Variants in CLUAP1 observed in about 807,000 individuals in gnomAD.
The protein encoded by CLUAP1 is intraflagellar transport 38.
In CLUAP1, 50 loss-of-function variants were observed where a neutral mutation model predicts 55.0. The ratio of observed to expected loss-of-function variants is 0.91; its 90% CI spans 0.72 to 1.15. The LOEUF (loss-of-function observed/expected upper bound fraction) is 1.15, where lower values mean the gene tolerates loss of function less well. Ranked by LOEUF, CLUAP1 falls within the 50% of genes most tolerant of loss-of-function variation. The pLI, the probability that CLUAP1 is intolerant of heterozygous loss-of-function variation, is 0.00. For synonymous variants in CLUAP1, 195 were observed against 175.4 expected (o/e 1.11, Z -0.88); for missense variants, 530 against 507.6 (o/e 1.04, Z -0.42).
At chr16:3,499,351 A>G (rs932722518), upstream of CLUAP1, among the ~76,000 whole-genome samples, 3 of 152,384 alleles carry the variant, frequency 2.0e-5, no homozygotes, top group Middle Eastern at 3.4e-3. Flanking sequence ...ATCTCAAAAA[A>G]AAAAGTTCAA....
At chr16:3,512,536 C>A in intron 5 of CLUAP1, 58 bp downstream of exon 5, 1 of 1,331,894 alleles carries the variant, frequency 7.5e-7, no homozygotes, top group South Asian at 1.2e-5. Flanking sequence ...TTTTCTTTTT[C>A]AATTCTGTTT....
chr16:3,514,876 A>G (rs1483511740), intron 5 of CLUAP1, among the ~76,000 whole-genome samples: 3 of 152,170 alleles, frequency 2.0e-5, no homozygotes, highest in African/African-American at 7.2e-5. Context: ...CCACATTACA[A>G]TCCCATGTCT....
chr16:3,536,439 A>T lies in CLUAP1; in HGVS notation c.*168A>T. 1.6e-6 allele frequency: 1 copy of T among 614,182 alleles called. No individual in the cohort carries two copies. The highest frequency in any genetic ancestry group is 2.8e-5 in the South Asian group (1 of 35,174). The allele number at this position is 614,182 out of a possible 1,614,324, so 38.0% of individuals were successfully genotyped here. A position where few individuals can be genotyped will look rare whatever the true frequency, so the allele number is the denominator to read the frequency against. ...TAGCCTCCTATGTTTGCATTCCATG[A>T]AGCTTAAATAAGAATTGAAGCAAAT... On this transcript the variant is annotated 3_prime_UTR_variant, in exon 12 of 12. Coordinates refer to ENST00000576634, the MANE Select transcript of CLUAP1 (RefSeq NM_015041.3).
At chr16:3,534,513 G>C (rs753006039) in intron 11 of CLUAP1, 1 of 152,476 alleles carries the variant, frequency 6.6e-6, no homozygotes, top group African/African-American at 2.4e-5. Flanking sequence ...GAGCCCAGAA[G>C]GGTCAAGAGC....
rs761592623 is a variant in CLUAP1, at chr16:3,530,615, A to C, written c.976A>C (p.Ser326Arg). 6.2e-7 allele frequency: 1 copy of C among 1,614,014 alleles called. No individual in the cohort carries two copies. Among genetic ancestry groups the C allele is most frequent in the African/African-American group, 1.3e-5 (1 of 75,040 alleles). The change falls in exon 10 of 12, where the codon AGT (serine) becomes CGT (arginine). Residue 326 changes from serine to arginine, a missense_variant. By Grantham distance (110) the Ser-to-Arg change is moderately radical (BLOSUM62 -1). Transcript: ENST00000576634. The part of the protein sequence containing the change: ...IDIQEDDESD[S>R]ELEERRLPKP... ...CATCCAGGAGGACGATGAATCCGAC[A>C]GTGAGTTGGAAGAAAGGCGGCTGCC... is the stretch of plus-strand genomic sequence containing the variant.
chr16:3,505,828 C>G (rs539092379), intron 2 of CLUAP1, among the ~76,000 whole-genome samples: 1 of 152,284 alleles, frequency 6.6e-6, no homozygotes, highest in Admixed American at 6.5e-5. Context: ...AATATTTTAC[C>G]TTTTGCTAAA....
chr16:3,526,392 CTG>C lies in CLUAP1; in HGVS notation c.856-18_856-17del. ...CAGAAAAGGGCCATCTCTCCTGAGTCTGTATTTCCTCTTCCACAGGAAGCTAA... is the reference window on the plus strand; with the variant it reads ...CAGAAAAGGGCCATCTCTCCTGAGTCTATTTCCTCTTCCACAGGAAGCTAA... On this transcript the variant is annotated intron_variant, in intron 8 of 11. Coordinates refer to ENST00000576634, the MANE Select transcript of CLUAP1 (RefSeq NM_015041.3). The C allele has an allele frequency of 3.2e-6, 5 of 1,571,316 alleles. No individual in the cohort carries two copies. Among genetic ancestry groups the C allele is most frequent in the Non-Finnish European group, 4.3e-6 (5 of 1,157,552 alleles).
chr16:3,523,276 AG>A lies in CLUAP1; in HGVS notation c.834del (p.Met279TrpfsTer15). 1 of 1,613,072 alleles carries A rather than the reference AG, an allele frequency of 6.2e-7. No individual in the cohort carries two copies. Among genetic ancestry groups the A allele is most frequent in the Non-Finnish European group, 8.5e-7 (1 of 1,179,714 alleles). On this transcript the variant is annotated frameshift_variant, in exon 8 of 12. Transcript: ENST00000576634. LOFTEE classifies it high-confidence loss of function. ...YLEQQLEDHH[R>X]MEQERFEEAK... ...GGAACAACAGCTTGAAGACCATCATAGGATGGAGCAAGAAAGGTTTGAGGTG... is the reference window on the plus strand; with the variant it reads ...GGAACAACAGCTTGAAGACCATCATAGATGGAGCAAGAAAGGTTTGAGGTG...
chr16:3,499,803 G>C (rs1372974015), upstream of CLUAP1, among the ~76,000 whole-genome samples: 1 of 152,176 alleles, frequency 6.6e-6, no homozygotes, highest in East Asian at 1.9e-4. Context: ...TCCTGCACAA[G>C]GTACCAACGG....
At chr16:3,520,836 T>C (rs191036045) in intron 7 of CLUAP1, among the ~76,000 whole-genome samples, 286 of 152,338 alleles carry the variant, frequency 1.9e-3, no homozygotes, top group African/African-American at 6.5e-3. Context: ...CGATGGAGAA[T>C]AGTGGTGCCG....
intron 6 of CLUAP1, among the ~76,000 whole-genome samples, chr16:3,517,949 T>A (rs935204205): frequency 3.9e-5 from 6 of 152,152 alleles, no homozygotes; most frequent in African/African-American, 1.4e-4. Flanking sequence ...GCAGCTCCTA[T>A]CTGCTGTTGG....
At chr16:3,499,812 G>A (rs2037354094), upstream of CLUAP1, among the ~76,000 whole-genome samples, 1 of 152,112 alleles carries the variant, frequency 6.6e-6, no homozygotes, top group African/African-American at 2.4e-5. Context: ...AGGTACCAAC[G>A]GACCAGACCA....
chr16:3,511,388 A>G (rs1394905971), intron 4 of CLUAP1, among the ~76,000 whole-genome samples: 1 of 152,200 alleles, frequency 6.6e-6, no homozygotes, highest in Non-Finnish European at 1.5e-5. Flanking sequence ...TCAGTGCTAA[A>G]TCCTCATTGT....
At chr16:3,502,632 T>C (rs2037428637) in intron 1 of CLUAP1, among the ~76,000 whole-genome samples, 2 of 152,160 alleles carry the variant, frequency 1.3e-5, no homozygotes, top group South Asian at 4.1e-4. Context: ...TTACCTTTTA[T>C]CCATGCAGCC....
rs763059106 is a variant in CLUAP1, at chr16:3,520,021, C to G, written c.698C>G (p.Thr233Ser). The G allele has an allele frequency of 3.1e-6, 5 of 1,611,384 alleles. No homozygotes were observed. The South Asian group carries it at 5.5e-5, about 18-fold the overall frequency. The change falls in exon 7 of 12, where the codon ACT becomes AGT. Residue 233 changes from threonine to serine, a missense_variant. Physicochemically the swap from Thr to Ser is moderately conservative, Grantham distance 58. Coordinates refer to ENST00000576634, the MANE Select transcript of CLUAP1 (RefSeq NM_015041.3). ...ELERNRKRLE[T>S]LQSVRPCFMD... Reference sequence around the variant, plus strand: ...GAAAGAAATCGGAAGCGACTAGAGACTCTGCAGAGTGTCAGGTAGATATGA... The same window carrying G: ...GAAAGAAATCGGAAGCGACTAGAGAGTCTGCAGAGTGTCAGGTAGATATGA...
rs758710713 is a variant in CLUAP1 at position 3,519,932 on chromosome 16, C to T, written c.609C>T (p.Leu203=). The part of the protein sequence containing the change: ...LTQVQKTKDL[L]NNVASDEANL... Reference sequence around the variant, plus strand: ...AGGTTCAGAAGACTAAAGACCTGCTCAATAATGTGGCCTCTGATGAAGCTA... The same window carrying T: ...AGGTTCAGAAGACTAAAGACCTGCTTAATAATGTGGCCTCTGATGAAGCTA... Residue 203 remains leucine (L), a synonymous_variant, in exon 7 of 12, where the codon CTC becomes CTT. Transcript: ENST00000576634. 2 of 1,611,570 alleles carry T rather than the reference C, an allele frequency of 1.2e-6. No individual in the cohort carries two copies. Among genetic ancestry groups the T allele is most frequent in the South Asian group, 1.1e-5 (1 of 90,554 alleles).
At position 3,535,968 on chromosome 16, in the gene CLUAP1, C is replaced by T. The variant is rs1231220798; in HGVS notation, c.1093-154C>T. 1.3e-5 allele frequency: 10 copies of T among 767,176 alleles called. No homozygotes were observed. In the East Asian group the frequency reaches 2.7e-4, roughly 21 times the overall value. The allele number at this position is 767,176 out of a possible 1,614,324, so 47.5% of individuals were successfully genotyped here. ...CAGCTGGCAGTACATAGCCTCAGTC[C>T]CATCTGTATGCCCTCCCACAGCCTG... On this transcript the variant is annotated intron_variant, in intron 11 of 11. Transcript: ENST00000576634.
chr16:3,534,871 CTG>C (rs933908770), intron 11 of CLUAP1: 18 of 152,348 alleles, frequency 1.2e-4, no homozygotes, highest in African/African-American at 4.3e-4. Context: ...GAATTTAAGT[CTG>C]GAGTTCAAGG....
At chr16:3,510,426 C>G (rs924165072) in intron 4 of CLUAP1, among the ~76,000 whole-genome samples, 3 of 152,142 alleles carry the variant, frequency 2.0e-5, no homozygotes, top group African/African-American at 7.2e-5. Flanking sequence ...TGAGCCACCG[C>G]GCCTGTCCTC....
Sources: allele counts gnomAD v4.1 joint callset (sites outside exome capture counted in the v4.1 genomes callset), GRCh38; gene constraint gnomAD v4.1.1; transcripts MANE v1.5; gene names NCBI Gene and HGNC (gene_info 2026-07-23, HGNC 2026-07-21).